The following TTN variants were observed in gnomAD, a reference collection of about 807,000 sequenced individuals.
The protein encoded by TTN is connectin.
In TTN, 1,525 loss-of-function variants were observed where a neutral mutation model predicts 3,223.0. The ratio of observed to expected loss-of-function variants is 0.47; its 90% CI spans 0.45 to 0.49. TTN has a LOEUF of 0.49. TTN is among the 20% of genes least tolerant of loss of function. TTN has a pLI of 0.00. For missense variants in TTN, 40,786 were observed against 43,424.0 expected (o/e 0.94, Z 5.40); for synonymous variants, 14,094 against 15,161.0 (o/e 0.93, Z 5.17).
intron 295 of TTN, 60 bp downstream of exon 295, chr2:178,595,447 T>C: frequency 6.7e-6 from 10 of 1,481,846 alleles, no homozygotes; most frequent in Non-Finnish European, 9.1e-6. Context: ...TTTTTCACCA[T>C]AGTCTTGTAC....
intron 332 of TTN, 69 bp downstream of exon 332, chr2:178,554,384 A>T: frequency 1.3e-6 from 2 of 1,519,398 alleles, no homozygotes; most frequent in African/African-American, 2.8e-5. Flanking sequence ...ATTAAAGCAT[A>T]TGCACAGGTT....
chr2:178,740,799 T>C lies in TTN; in HGVS notation c.12434A>G (p.Glu4145Gly). 6.2e-7 allele frequency: 1 copy of C among 1,613,608 alleles called. No individual in the cohort carries two copies. The highest frequency in any genetic ancestry group is 8.5e-7 in the Non-Finnish European group (1 of 1,179,658). Residue 4145 changes from glutamate to glycine, a missense_variant, in exon 48 of 363, where the codon GAA becomes GGA. Transcript: ENST00000589042. ...NGSIHFQPLK[E>G]PSPNLQLQIV... ...CTGCAGCTGTAGGTTGGGAGATGGT[T>C]CCTTGAGAGGCTGAAAGTGAATACT...
chr2:178,713,516 C>T (rs1663388571), intron 92 of TTN, 144 bp from the exon 93 acceptor site: 2 of 1,260,734 alleles, frequency 1.6e-6, no homozygotes, highest in Non-Finnish European at 2.1e-6. Flanking sequence ...TTAAAAACTC[C>T]TCTATGGGTT....
At position 178,587,169 on chromosome 2, in the gene TTN, G is replaced by T; in HGVS notation, c.64042C>A (p.Pro21348Thr). 2 of 1,613,192 alleles carry T rather than the reference G, an allele frequency of 1.2e-6. No homozygotes were observed. The highest frequency in any genetic ancestry group is 2.2e-5 in the South Asian group (2 of 91,056). The change falls in exon 307 of 363, where the codon CCT (proline) becomes ACT (threonine). Residue 21348 changes from proline (P) to threonine (T), a missense_variant. Coordinates refer to ENST00000589042, the MANE Select transcript of TTN (RefSeq NM_001267550.2). ...FRVTAVNEYG[P>T]GVPTDVPKPV... ...TTTGGGACATCTGTTGGGACGCCAG[G>T]GCCATATTCGTTGACAGCAGTTACT...
At chr2:178,799,983 G>A in intron 4 of TTN, 73 bp from the exon 5 acceptor site, 1 of 1,513,816 alleles carries the variant, frequency 6.6e-7, no homozygotes, top group Admixed American at 1.8e-5. Context: ...TGTTAATTCT[G>A]ACTACAAAGT....
intron 142 of TTN, 89 bp from the exon 143 acceptor site, chr2:178,678,919 G>A: frequency 9.8e-7 from 1 of 1,023,692 alleles, no homozygotes; most frequent in African/African-American, 1.7e-5. Context: ...AACTGAAGCA[G>A]CATAGATATT....
In TTN at chr2:178,793,443, AATT is replaced by A. The variant is rs750748086; in HGVS notation, c.1494_1496del (p.Ile499del). The A allele has an allele frequency of 8.1e-6, 13 of 1,614,074 alleles. No homozygotes were observed. Among genetic ancestry groups the A allele is most frequent in the Admixed American group, 3.3e-5 (2 of 60,030 alleles). On this transcript the variant is annotated inframe_deletion, in exon 9 of 363. Coordinates refer to ENST00000589042, the MANE Select transcript of TTN (RefSeq NM_001267550.2). ...CGTGCATCTGCTCTTGCTTTGTGGT[AATT>A]ACTTCTTTGGTTCTTGATTTTAATT...
chr2:178,726,977 T>C (rs2079448575), intron 69 of TTN, 113 bp downstream of exon 69: 2 of 1,139,138 alleles, frequency 1.8e-6, no homozygotes, highest in South Asian at 3.3e-5. Context: ...CTCAGAAAAA[T>C]ATTCTATGAT....
At chr2:178,692,940 AT>A (rs896896331) in intron 119 of TTN, among the ~76,000 whole-genome samples, 2 of 151,838 alleles carry the variant, frequency 1.3e-5, no homozygotes, top group African/African-American at 2.4e-5. Flanking sequence ...ATTGCATTAG[AT>A]TTTTTTGTGT....
rs1410340266 is a variant in TTN, at chr2:178,727,227, T to G, written c.20138A>C (p.Lys6713Thr). ...TGAGTCAATGAAAGTCATTCTGTAC[T>G]TATCACTGGCTGGAAGTTCATGTTC... ...RNEHELPASDKYRMTFIDSVA... is the reference protein window; with the variant it reads ...RNEHELPASDTYRMTFIDSVA... Residue 6713 changes from lysine (K) to threonine (T), a missense_variant, in exon 69 of 363, where the codon AAG becomes ACG. Transcript: ENST00000589042. The G allele has an allele frequency of 1.2e-6, 2 of 1,613,308 alleles. No homozygotes were observed. Among genetic ancestry groups the G allele is most frequent in the Non-Finnish European group, 8.5e-7 (1 of 1,179,468 alleles).
At position 178,562,559 on chromosome 2, in the gene TTN, A is replaced by G. The variant is rs1704088827; in HGVS notation, c.83573T>C (p.Val27858Ala). The change falls in exon 326 of 363, where the codon GTT (valine) becomes GCT (alanine). Residue 27858 changes from valine (V) to alanine (A), a missense_variant. By Grantham distance (64) the Val-to-Ala change is moderately conservative. Coordinates refer to ENST00000589042, the MANE Select transcript of TTN (RefSeq NM_001267550.2). ...TGGGAGGGGTGGTTCAGACACTTTA[A>G]CGGGTTCTGTTGTTTCAGCTGGCAA... ...IGLPAETTEP[V>A]KVSEPPLPPG... 1 of 1,610,904 alleles carries G rather than the reference A, an allele frequency of 6.2e-7. No individual in the cohort carries two copies. The highest frequency in any genetic ancestry group is 8.5e-7 in the Non-Finnish European group (1 of 1,178,672).
chr2:178,782,130 G>A (rs955800048), intron 20 of TTN, 82 bp downstream of exon 20: 11 of 1,510,188 alleles, frequency 7.3e-6, no homozygotes, highest in African/African-American at 5.5e-5. Flanking sequence ...CTCAGGGTCG[G>A]TGGGGTGAGT....
In TTN at chr2:178,769,908, G is replaced by A. The variant is rs766867322; in HGVS notation, c.8673C>T (p.Ile2891=). The A allele has an allele frequency of 2.6e-5, 42 of 1,613,926 alleles. No individual in the cohort carries two copies. In the East Asian group the frequency reaches 5.6e-4, roughly 21 times the overall value. The change falls in exon 37 of 363, where the codon ATC becomes ATT. Residue 2891 remains isoleucine, a synonymous_variant. Transcript: ENST00000589042. The stretch of plus-strand genomic sequence containing the variant: ...AGGCAGTTTTGGTCTCAGGCACCTC[G>A]ATATTTTTCATGGTTTTTGTAATAT... ...TLHITKTMKN[I]EVPETKTASF... is the part of the protein sequence containing the mutation.
intron 243 of TTN, 115 bp from the exon 244 acceptor site, chr2:178,622,123 TGAA>T (rs1312279348): frequency 3.0e-6 from 3 of 994,184 alleles, no homozygotes; most frequent in Admixed American, 5.9e-5. Flanking sequence ...CTTCATAGTG[TGAA>T]GAAGAACCAA....
chr2:178,604,745 TC>T lies in TTN; in HGVS notation c.54343del (p.Glu18115ArgfsTer8). On this transcript the variant is annotated frameshift_variant, in exon 281 of 363. Coordinates refer to ENST00000589042, the MANE Select transcript of TTN (RefSeq NM_001267550.2). LOFTEE classifies it high-confidence loss of function. Reference sequence around the variant, plus strand: ...CTCTACAGCAGTGTTGGTGACTTCCTCCCATTCTGCTTTCTTCCTACTTGCA... The same window carrying T: ...CTCTACAGCAGTGTTGGTGACTTCCTCCATTCTGCTTTCTTCCTACTTGCA... The part of the protein sequence containing the change: ...RDASRKKAEW[E>X]EVTNTAVEKR... 1 of 1,611,938 alleles carries T rather than the reference TC, an allele frequency of 6.2e-7. No homozygotes were observed. Among genetic ancestry groups the T allele is most frequent in the Admixed American group, 1.7e-5 (1 of 59,868 alleles).
In TTN at chr2:178,568,539, C is replaced by T; in HGVS notation, c.77593G>A (p.Gly25865Ser). The T allele has an allele frequency of 3.1e-6, 5 of 1,613,468 alleles. No homozygotes were observed. The highest frequency in any genetic ancestry group is 4.2e-6 in the Non-Finnish European group (5 of 1,179,576). The change falls in exon 326 of 363, where the codon GGT (glycine) becomes AGT (serine). Residue 25865 changes from glycine to serine, a missense_variant. By Grantham distance (56) the Gly-to-Ser change is moderately conservative. Coordinates refer to ENST00000589042, the MANE Select transcript of TTN (RefSeq NM_001267550.2). The part of the protein sequence containing the change: ...LSIKETHKDD[G>S]GQYGITVANV... ...GCAACTGTGATTCCATATTGTCCACCATCATCCTTATGAGTTTCTTTAATA... is the reference window on the plus strand; with the variant it reads ...GCAACTGTGATTCCATATTGTCCACTATCATCCTTATGAGTTTCTTTAATA...
intron 2 of TTN, among the ~76,000 whole-genome samples, chr2:178,804,252 T>G (rs1396373660): frequency 7.2e-5 from 11 of 152,204 alleles, no homozygotes; most frequent in African/African-American, 1.7e-4. Flanking sequence ...AGCCCAAATA[T>G]AGAATGACTA....
chr2:178,770,557 A>C lies in TTN; in HGVS notation c.8235T>G (p.Val2745=). The change falls in exon 35 of 363, where the codon GTT becomes GTG. Residue 2745 remains valine (V), a synonymous_variant. Transcript: ENST00000589042. Reference sequence around the variant, plus strand: ...CATACTTTTCATTGGATTCCAGCACAACTCCATTTTTGATCCACTGGACAC... The same window carrying C: ...CATACTTTTCATTGGATTCCAGCACCACTCCATTTTTGATCCACTGGACAC... ...VKGVQWIKNG[V]VLESNEKYAI... is the part of the protein sequence containing the mutation. 6.2e-7 allele frequency: 1 copy of C among 1,614,158 alleles called. No homozygotes were observed. The highest frequency in any genetic ancestry group is 8.5e-7 in the Non-Finnish European group (1 of 1,180,006).
At position 178,529,004 on chromosome 2, in the gene TTN, A is replaced by C; in HGVS notation, c.106747T>G (p.Ser35583Ala). The change falls in exon 360 of 363, where the codon TCC (serine) becomes GCC (alanine). Residue 35583 changes from serine to alanine, a missense_variant. Coordinates refer to ENST00000589042, the MANE Select transcript of TTN (RefSeq NM_001267550.2). ...TCATGGACAATGGATTTTTCCAGGGAGGTTGCTGCTGATTTCTTGACTTCT... is the reference window on the plus strand; with the variant it reads ...TCATGGACAATGGATTTTTCCAGGGCGGTTGCTGCTGATTTCTTGACTTCT... ...SEEVKKSAATSLEKSIVHEEI... is the reference protein window; with the variant it reads ...SEEVKKSAATALEKSIVHEEI... The C allele has an allele frequency of 6.2e-7, 1 of 1,613,908 alleles. No homozygotes were observed. Among genetic ancestry groups the C allele is most frequent in the Non-Finnish European group, 8.5e-7 (1 of 1,179,860 alleles).
Sources: allele counts gnomAD v4.1 joint callset (sites outside exome capture counted in the v4.1 genomes callset), GRCh38; gene constraint gnomAD v4.1.1; transcripts MANE v1.5; gene names NCBI Gene and HGNC (gene_info 2026-07-23, HGNC 2026-07-21).